Variants in RBFOX1 observed in about 807,000 individuals in gnomAD.
The protein encoded by RBFOX1 is RNA binding fox-1 homolog 1, also known as RNA binding protein fox-1 homolog 1.
Under a neutral mutation model 57.7 loss-of-function variants are expected in RBFOX1, and 8 were observed. The observed-to-expected ratio is 0.14, with a 90% confidence interval of 0.08 to 0.25. RBFOX1 has a LOEUF of 0.25. Ranked by LOEUF, RBFOX1 falls within the 10% of genes least tolerant of loss-of-function variation. The probability of loss-of-function intolerance (pLI) is 1.00; values close to 1 mark genes in which losing one functional copy is unlikely to be tolerated. For missense variants in RBFOX1, 611 were observed against 548.5 expected (o/e 1.11, Z -1.14); for synonymous variants, 326 against 222.4 (o/e 1.47, Z -4.15).
chr16:5,759,275 C>G (rs1222550220), intron 3 of RBFOX1, among the ~76,000 whole-genome samples: 1 of 152,202 alleles, frequency 6.6e-6, no homozygotes, highest in Non-Finnish European at 1.5e-5. Flanking sequence ...AAACAGGAAG[C>G]CATCTCTGGG....
intron 1 of RBFOX1, among the ~76,000 whole-genome samples, chr16:6,075,142 G>T (rs1273983688): frequency 6.6e-6 from 1 of 152,148 alleles, no homozygotes; most frequent in Non-Finnish European, 1.5e-5. Context: ...AATGAAATTT[G>T]CAGAAGTGAC....
chr16:5,340,035 C>A (rs775911345), intron 1 of RBFOX1, among the ~76,000 whole-genome samples: 1 of 152,166 alleles, frequency 6.6e-6, no homozygotes, highest in Non-Finnish European at 1.5e-5. Context: ...GCAGCACCAG[C>A]AAAATCAGTA....
chr16:6,582,323 C>T (rs1600555372), intron 2 of RBFOX1, among the ~76,000 whole-genome samples: 3 of 152,074 alleles, frequency 2.0e-5, no homozygotes, highest in Admixed American at 2.0e-4. Flanking sequence ...AAATAATGTA[C>T]AACTTATTTT....
At chr16:6,030,248 G>T (rs1235568654) in intron 1 of RBFOX1, among the ~76,000 whole-genome samples, 1 of 152,144 alleles carries the variant, frequency 6.6e-6, no homozygotes, top group African/African-American at 2.4e-5. Context: ...GACTCTGTTG[G>T]CTATTACTGT....
intron 2 of RBFOX1, among the ~76,000 whole-genome samples, chr16:5,504,427 G>A (rs2151706025): frequency 6.6e-6 from 1 of 152,364 alleles, no homozygotes; most frequent in East Asian, 1.9e-4. Context: ...TTGAGAAGCA[G>A]TTTCCTGCAG....
intron 3 of RBFOX1, among the ~76,000 whole-genome samples, chr16:7,023,920 G>C (rs2153679418): frequency 6.6e-6 from 1 of 152,274 alleles, no homozygotes; most frequent in South Asian, 2.1e-4. Flanking sequence ...AAACAAGGAA[G>C]ACTCCCTGCT....
chr16:5,263,341 C>A (rs879925046), intron 1 of RBFOX1, among the ~76,000 whole-genome samples: 1 of 152,110 alleles, frequency 6.6e-6, no homozygotes, highest in East Asian at 1.9e-4. Context: ...TTTGCACCAA[C>A]CTAATGCGAT....
chr16:6,857,445 C>T (rs1043468506), intron 3 of RBFOX1, among the ~76,000 whole-genome samples: 4 of 152,236 alleles, frequency 2.6e-5, no homozygotes, highest in Admixed American at 6.5e-5. Context: ...AGAGTTAAGC[C>T]ATTTTTCTAT....
At chr16:6,154,543 C>A (rs980761213) in intron 1 of RBFOX1, among the ~76,000 whole-genome samples, 2 of 152,130 alleles carry the variant, frequency 1.3e-5, no homozygotes, top group African/African-American at 4.8e-5. Flanking sequence ...TAGTGGGAGC[C>A]AGCGGTGATG....
intron 4 of RBFOX1, among the ~76,000 whole-genome samples, chr16:7,340,403 C>T (rs539457118): frequency 6.6e-6 from 1 of 152,342 alleles, no homozygotes; most frequent in African/African-American, 2.4e-5. Context: ...CTTCACTTGG[C>T]TTCTCCATTC....
chr16:7,675,010 A>G (rs7204826), intron 13 of RBFOX1, among the ~76,000 whole-genome samples: 21,374 of 152,126 alleles, frequency 0.14, 1,956 homozygotes, highest in East Asian at 0.38. Context: ...CCAGAGAGAA[A>G]CACATTCATA....
At chr16:5,313,061 G>T (rs953907929) in intron 1 of RBFOX1, among the ~76,000 whole-genome samples, 1 of 152,066 alleles carries the variant, frequency 6.6e-6, no homozygotes, top group Non-Finnish European at 1.5e-5. Context: ...GCCATGTGCT[G>T]TCCTGGGCGC....
intron 4 of RBFOX1, among the ~76,000 whole-genome samples, chr16:5,875,452 A>G (rs939778581): frequency 6.6e-5 from 10 of 152,218 alleles, no homozygotes; most frequent in Non-Finnish European, 1.5e-4. Context: ...TGTCTGTTAC[A>G]TAGCATGGGG....
At chr16:6,457,565 T>A (rs1447385497) in intron 2 of RBFOX1, among the ~76,000 whole-genome samples, 1 of 152,016 alleles carries the variant, frequency 6.6e-6, no homozygotes, top group Non-Finnish European at 1.5e-5. Context: ...CTAGCTCCCA[T>A]CACCATTCCT....
rs1368612642 is a variant in RBFOX1, at chr16:6,256,221, GTA to G, written c.-126-60764_-126-60763del. ...TGTATATGTATATGTGTATATATAT[GTA>G]TATATATATGTGTATATATATATGT... On this transcript the variant is annotated intron_variant, in intron 1 of 15. Transcript: ENST00000550418. Among the ~76,000 whole-genome samples, 194 of 76,594 alleles carry G rather than the reference GTA, an allele frequency of 2.5e-3. 9 individuals are homozygous for G. Among genetic ancestry groups the G allele is most frequent in the African/African-American group, 9.5e-3 (143 of 15,104 alleles). 50.2% of individuals were successfully genotyped at this position (76,594 alleles called of 152,430 possible). A position where few individuals can be genotyped will look rare whatever the true frequency, so the allele number is the denominator to read the frequency against.
intron 1 of RBFOX1, among the ~76,000 whole-genome samples, chr16:6,300,957 CA>C (rs2078751203): frequency 6.6e-6 from 1 of 152,136 alleles, no homozygotes; most frequent in African/African-American, 2.4e-5. Flanking sequence ...TGATGGTTTT[CA>C]CAAAGTGGGA....
intron 2 of RBFOX1, among the ~76,000 whole-genome samples, chr16:6,624,187 C>G (rs1179303134): frequency 6.6e-6 from 1 of 151,952 alleles, no homozygotes; most frequent in African/African-American, 2.4e-5. Context: ...GGCATAAATG[C>G]TATATTTAAG....
At chr16:7,206,324 A>G (rs532155149) in intron 4 of RBFOX1, among the ~76,000 whole-genome samples, 10 of 151,954 alleles carry the variant, frequency 6.6e-5, no homozygotes, top group South Asian at 2.1e-4. Flanking sequence ...GTACCATGCA[A>G]TTGGTTTGAC....
At chr16:7,409,364 C>T (rs1054913639) in intron 4 of RBFOX1, among the ~76,000 whole-genome samples, 4 of 152,188 alleles carry the variant, frequency 2.6e-5, no homozygotes, top group African/African-American at 4.8e-5. Context: ...ACCCACATGC[C>T]TGTTTTATTC....
Sources: gnomAD v4.1 joint callset for allele counts (sites outside exome capture counted in the v4.1 genomes callset) on GRCh38, gnomAD v4.1.1 for gene constraint, MANE v1.5 for transcripts, NCBI Gene and HGNC (gene_info 2026-07-23, HGNC 2026-07-21) for gene names.